DCLK1: variants seen among roughly 807,000 people sequenced by gnomAD.
DCLK1 encodes serine/threonine-protein kinase DCLK1.
A neutral mutation model predicts 86.2 loss-of-function variants in DCLK1; 16 were observed. The ratio of observed to expected loss-of-function variants is 0.19; its 90% confidence interval spans 0.13 to 0.28. The LOEUF (loss-of-function observed/expected upper bound fraction) is 0.28. Ranked by LOEUF, DCLK1 falls within the 10% of genes least tolerant of loss-of-function variation. The pLI is 1.00. For synonymous variants in DCLK1, 369 were observed against 370.5 expected (o/e 1.00, Z 0.05); for missense variants, 590 against 940.2 (o/e 0.63, Z 4.87).
intron 4 of DCLK1, among the ~76,000 whole-genome samples, chr13:35,888,491 T>C (rs1873432749): frequency 6.6e-6 from 1 of 152,066 alleles, no homozygotes; most frequent in Non-Finnish European, 1.5e-5. Flanking sequence ...CAACAAGGGG[T>C]CAAATGTGGC....
intron 3 of DCLK1, among the ~76,000 whole-genome samples, chr13:35,988,686 A>T (rs1170916844): frequency 6.6e-6 from 1 of 152,198 alleles, no homozygotes; most frequent in Non-Finnish European, 1.5e-5. Context: ...ACCTGAAGTT[A>T]AAAAACTGGT....
At chr13:35,785,042 G>A (rs932957431) in intron 16 of DCLK1, among the ~76,000 whole-genome samples, 1 of 152,112 alleles carries the variant, frequency 6.6e-6, no homozygotes, top group African/African-American at 2.4e-5. Flanking sequence ...AATCCAATAT[G>A]CACATTTTAG....
intron 3 of DCLK1, among the ~76,000 whole-genome samples, chr13:36,059,066 A>C (rs1883443972): frequency 6.6e-6 from 1 of 152,156 alleles, no homozygotes; most frequent in Non-Finnish European, 1.5e-5. Context: ...CTGTGGGTTG[A>C]GAATTGTTAG....
In DCLK1 at chr13:35,966,511, CCCCTCT is replaced by C. The variant is rs1329632819; in HGVS notation, c.724-19060_724-19055del. ...CCCTCTCCCCCTCCCCCTCCCCCTC[CCCCTCT>C]CCCTCTCCCTCTTTGCACGGTCTCC... is the stretch of plus-strand genomic sequence containing the variant. On this transcript the variant is annotated intron_variant, in intron 3 of 16. Coordinates refer to ENST00000360631, the MANE Select transcript of DCLK1 (RefSeq NM_001330071.2). Among the ~76,000 whole-genome samples the C allele has an allele frequency of 2.4e-3, 302 of 126,642 alleles. 1 individual carries two copies. Among genetic ancestry groups the C allele is most frequent in the Non-Finnish European group, 3.2e-3 (197 of 60,752 alleles). The allele number at this position is 126,642 out of a possible 152,430, so 83.1% of individuals were successfully genotyped here. A position where few individuals can be genotyped will look rare whatever the true frequency, so the allele number is the denominator to read the frequency against.
intron 3 of DCLK1, among the ~76,000 whole-genome samples, chr13:36,099,415 A>T (rs1454655509): frequency 6.6e-6 from 1 of 152,236 alleles, no homozygotes; most frequent in Non-Finnish European, 1.5e-5. Context: ...AAATAAGATT[A>T]ACTGTATCAA....
Position 35,946,939 on chromosome 13 carries a change from G to A in DCLK1, c.823+419C>T, listed in dbSNP as rs1877417945. Among the ~76,000 whole-genome samples, 4 of 152,054 alleles carry A rather than the reference G, an allele frequency of 2.6e-5. 1 individual carries two copies. The highest frequency in any genetic ancestry group is 2.6e-4 in the Admixed American group (4 of 15,268). On this transcript the variant is annotated intron_variant, in intron 4 of 16. Transcript: ENST00000360631. ...TTCTACAGTATTTAAAGGAAAAAGG[G>A]AAAGCAAACCACTTGCCTGGTTAGG...
intron 16 of DCLK1, among the ~76,000 whole-genome samples, chr13:35,780,285 A>G (rs567212221): frequency 1.9e-4 from 29 of 152,290 alleles, no homozygotes; most frequent in African/African-American, 6.7e-4. Context: ...AGTTCCTAAC[A>G]GATTTATTAT....
intron 1 of DCLK1, among the ~76,000 whole-genome samples, chr13:36,127,330 GAAC>G (rs758184118): frequency 2.0e-5 from 3 of 152,118 alleles, no homozygotes; most frequent in Non-Finnish European, 2.9e-5. Flanking sequence ...GAAGGAAGAG[GAAC>G]AACAAGAAAG....
intron 3 of DCLK1, among the ~76,000 whole-genome samples, chr13:35,953,284 C>T (rs1335173120): frequency 1.3e-5 from 2 of 152,028 alleles, no homozygotes; most frequent in African/African-American, 4.8e-5. Flanking sequence ...TCACTTAGAA[C>T]CCAAATGCAG....
rs548539210 is a variant in DCLK1 at position 36,118,537 on chromosome 13, G to C, written c.377-6322C>G. Among the ~76,000 whole-genome samples, 15 of 152,162 alleles carry C rather than the reference G, an allele frequency of 9.9e-5. No homozygotes were observed. In the South Asian group the frequency reaches 3.1e-3, roughly 32 times the overall value. ...AGGCAGTAAAGAAGGAAATTAAGTTGACTTTGCACATATTAAATTTGAAGT... is the reference window on the plus strand; with the variant it reads ...AGGCAGTAAAGAAGGAAATTAAGTTCACTTTGCACATATTAAATTTGAAGT... On this transcript the variant is annotated intron_variant, in intron 2 of 16. Transcript: ENST00000360631.
At chr13:35,828,114 T>C (rs1868634433) in intron 9 of DCLK1, 136 bp downstream of exon 9, 2 of 683,876 alleles carry the variant, frequency 2.9e-6, no homozygotes, top group South Asian at 2.0e-5. Flanking sequence ...TAAAGTTATA[T>C]TCTAGTAAGT....
At chr13:35,896,405 G>A (rs1169751987) in intron 4 of DCLK1, among the ~76,000 whole-genome samples, 1 of 151,932 alleles carries the variant, frequency 6.6e-6, no homozygotes, top group Non-Finnish European at 1.5e-5. Flanking sequence ...CGGGTATGGT[G>A]CATGCGCCTG....
intron 3 of DCLK1, among the ~76,000 whole-genome samples, chr13:35,958,202 C>G (rs1200227171): frequency 1.6e-5 from 1 of 64,164 alleles, no homozygotes; most frequent in Non-Finnish European, 3.1e-5. Context: ...CCACCACCAC[C>G]ATTATAACCA....
chr13:36,046,904 G>A (rs552744843), intron 3 of DCLK1, among the ~76,000 whole-genome samples: 1 of 152,290 alleles, frequency 6.6e-6, no homozygotes. Flanking sequence ...TGTTTCCTGG[G>A]CAGCTGAACT....
chr13:35,921,625 T>C (rs1255151653), intron 4 of DCLK1, among the ~76,000 whole-genome samples: 3 of 152,294 alleles, frequency 2.0e-5, no homozygotes, highest in African/African-American at 4.8e-5. Context: ...GCAAAGACCA[T>C]GTCTGTCTTA....
chr13:36,064,490 C>G (rs1367808373), intron 3 of DCLK1, among the ~76,000 whole-genome samples: 3 of 152,002 alleles, frequency 2.0e-5, no homozygotes, highest in African/African-American at 7.3e-5. Context: ...GAAACCCCAT[C>G]TCTACTAAAA....
intron 3 of DCLK1, among the ~76,000 whole-genome samples, chr13:36,040,168 C>T (rs996495260): frequency 6.6e-6 from 1 of 151,386 alleles, no homozygotes; most frequent in Non-Finnish European, 1.5e-5. Flanking sequence ...AACTGAAGTC[C>T]ATATTTCATT....
chr13:35,916,022 T>G (rs576931312), intron 4 of DCLK1, among the ~76,000 whole-genome samples: 1 of 152,280 alleles, frequency 6.6e-6, no homozygotes, highest in African/African-American at 2.4e-5. Flanking sequence ...AAGGTGAGTC[T>G]CAGGTCAATG....
intron 3 of DCLK1, among the ~76,000 whole-genome samples, chr13:36,100,347 C>G (rs1885174168): frequency 6.6e-6 from 1 of 152,124 alleles, no homozygotes; most frequent in Admixed American, 6.5e-5. Context: ...CCACTGTACT[C>G]TAGCCTGGGT....
Sources: gnomAD v4.1 joint callset for allele counts (sites outside exome capture counted in the v4.1 genomes callset) on GRCh38, gnomAD v4.1.1 for gene constraint, MANE v1.5 for transcripts, NCBI Gene and HGNC (gene_info 2026-07-23, HGNC 2026-07-21) for gene names.